CFAP206: variants seen among roughly 807,000 people sequenced by gnomAD.
CFAP206 encodes cilia- and flagella-associated protein 206.
A neutral mutation model predicts 65.4 loss-of-function variants in CFAP206; 53 were observed. The ratio of observed to expected loss-of-function variants is 0.81; its 90% CI spans 0.65 to 1.02. The LOEUF (loss-of-function observed/expected upper bound fraction) is 1.02, where lower values mean the gene tolerates loss of function less well. Ranked by LOEUF, CFAP206 falls within the 50% of genes least tolerant of loss-of-function variation. CFAP206 has a pLI of 0.00. For synonymous variants in CFAP206, 250 were observed against 254.4 expected (o/e 0.98, Z 0.17); for missense variants, 663 against 753.2 (o/e 0.88, Z 1.40).
intron 11 of CFAP206, among the ~76,000 whole-genome samples, chr6:87,436,424 G>T (rs183721251): frequency 2.0e-5 from 3 of 152,166 alleles, no homozygotes; most frequent in Non-Finnish European, 2.9e-5. Context: ...CTCTAAAGCA[G>T]GTGGGCTTTG....
chr6:87,441,839 C>A, intron 11 of CFAP206: 1 of 275,610 alleles, frequency 3.6e-6, no homozygotes, highest in South Asian at 4.4e-5. Context: ...TTTCATTGAG[C>A]CAAATCCGAT....
At chr6:87,440,513 G>T (rs1318410799) in intron 11 of CFAP206, among the ~76,000 whole-genome samples, 1 of 151,928 alleles carries the variant, frequency 6.6e-6, no homozygotes, top group Non-Finnish European at 1.5e-5. Flanking sequence ...GGGGAGCGAG[G>T]GCATCATGGT....
chr6:87,437,159 G>A lies in CFAP206; in HGVS notation c.1494+2106G>A, dbSNP rs548606934. On this transcript the variant is annotated intron_variant, in intron 11 of 12. Coordinates refer to ENST00000369562, the MANE Select transcript of CFAP206 (RefSeq NM_001031743.3). ...TAATTTTTGTATTTTTAGTAGAGAC[G>A]GGGTTTCACCATCTTGGTCCAGCTG... is the stretch of plus-strand genomic sequence containing the variant. Among the ~76,000 whole-genome samples the A allele has an allele frequency of 1.6e-4, 24 of 152,078 alleles. 2 individuals are homozygous for A. The South Asian group carries it at 3.7e-3, about 24-fold the overall frequency.
intron 11 of CFAP206, among the ~76,000 whole-genome samples, chr6:87,457,651 T>C (rs1284645337): frequency 6.6e-6 from 1 of 152,222 alleles, no homozygotes; most frequent in Non-Finnish European, 1.5e-5. Flanking sequence ...TCTCTCGCCA[T>C]ATACAAGAAT....
chr6:87,439,504 G>T lies in CFAP206; in HGVS notation c.1494+4451G>T, dbSNP rs551107873. Among the ~76,000 whole-genome samples, 3 of 152,058 alleles carry T rather than the reference G, an allele frequency of 2.0e-5. No individual in the cohort carries two copies. In the East Asian group the frequency reaches 5.8e-4, roughly 29 times the overall value. On this transcript the variant is annotated intron_variant, in intron 11 of 12. Coordinates refer to ENST00000369562, the MANE Select transcript of CFAP206 (RefSeq NM_001031743.3). ...TATGTTTTGAAGATATGTTTTCTTA[G>T]TTTGTAGCTTATGTTTTCATTCTTT...
chr6:87,447,337 C>T (rs927626874), intron 11 of CFAP206, among the ~76,000 whole-genome samples: 1 of 151,970 alleles, frequency 6.6e-6, no homozygotes, highest in Non-Finnish European at 1.5e-5. Flanking sequence ...ATAAATGGCT[C>T]TTATTATTTT....
At position 87,413,817 on chromosome 6, in the gene CFAP206, T is replaced by G; in HGVS notation, c.200T>G (p.Met67Arg). The change falls in exon 4 of 13, where the codon ATG becomes AGG. Residue 67 changes from methionine (M) to arginine (R), a missense_variant. Coordinates refer to ENST00000369562, the MANE Select transcript of CFAP206 (RefSeq NM_001031743.3). ...SDVQNLVKLC[M>R]TRLLDTKNPS... ...TGGGACATTCTTTTCTAGCTTTGTA[T>G]GACTCGGCTATTGGATACTAAAAAT... 6.4e-7 allele frequency: 1 copy of G among 1,560,160 alleles called. No homozygotes were observed. The highest frequency in any genetic ancestry group is 1.4e-5 in the African/African-American group (1 of 72,118).
chr6:87,458,587 C>T (rs1265099983), intron 11 of CFAP206, among the ~76,000 whole-genome samples: 6 of 152,082 alleles, frequency 3.9e-5, no homozygotes, highest in Non-Finnish European at 8.8e-5. Flanking sequence ...CATATGTCCT[C>T]GCTCCTTTGT....
intron 7 of CFAP206, among the ~76,000 whole-genome samples, chr6:87,420,920 T>G (rs1767930411): frequency 6.6e-6 from 1 of 152,218 alleles, no homozygotes; most frequent in South Asian, 2.1e-4. Context: ...TTTTTTGTTT[T>G]GTTTTGTTTT....
At chr6:87,445,044 A>C in intron 11 of CFAP206, 3 of 517,030 alleles carry the variant, frequency 5.8e-6, no homozygotes, top group South Asian at 4.2e-5. Context: ...GAGAGGATTC[A>C]GCTTGAAGGC....
chr6:87,409,010 T>C (rs2127946203), intron 1 of CFAP206, among the ~76,000 whole-genome samples: 1 of 140,698 alleles, frequency 7.1e-6, no homozygotes, highest in East Asian at 2.0e-4. Flanking sequence ...ACTTTTTCCT[T>C]ATAGTAAATG....
At chr6:87,416,849 T>A (rs1185501859) in intron 6 of CFAP206, 22 bp downstream of exon 6, 1 of 1,600,096 alleles carries the variant, frequency 6.2e-7, no homozygotes, top group Admixed American at 1.7e-5. Flanking sequence ...ATTAGATTAA[T>A]TCTAAAGGTT....
intron 6 of CFAP206, 150 bp downstream of exon 6, chr6:87,416,977 A>G (rs962302809): frequency 1.4e-5 from 10 of 695,582 alleles, no homozygotes; most frequent in African/African-American, 3.6e-5. Context: ...TACTGTTTAT[A>G]ATGTGTAGTG....
chr6:87,438,123 C>T (rs1768304530), intron 11 of CFAP206, among the ~76,000 whole-genome samples: 1 of 152,016 alleles, frequency 6.6e-6, no homozygotes. Flanking sequence ...TAAAGAAAGA[C>T]AAAGTCTGTT....
In CFAP206 at chr6:87,418,511, A is replaced by C. The variant is rs568392616; in HGVS notation, c.840+95A>C. 7.1e-5 allele frequency: 71 copies of C among 997,016 alleles called. 1 individual carries two copies. The African/African-American group carries it at 8.5e-4, about 12-fold the overall frequency. 61.8% of individuals were successfully genotyped at this position (997,016 alleles called of 1,614,324 possible). ...AGAACCAGGTCACTAATTAAGGAGA[A>C]AACCTCAGTAACTGCTCGGTTTATA... On this transcript the variant is annotated intron_variant, in intron 7 of 12. Coordinates refer to ENST00000369562, the MANE Select transcript of CFAP206 (RefSeq NM_001031743.3).
chr6:87,464,247 C>A lies in CFAP206; in HGVS notation c.1866C>A (p.Thr622=). The change falls in exon 13 of 13, where the codon ACC becomes ACA. Residue 622 remains threonine (T), a synonymous_variant. Transcript: ENST00000369562. ...KVNLTRDVDE[T] ...ACTTAACTAGAGATGTGGATGAAAC[C>A]TAATTACAGACAACGTTTTAAAATA... 1 of 1,610,398 alleles carries A rather than the reference C, an allele frequency of 6.2e-7. No homozygotes were observed. Among genetic ancestry groups the A allele is most frequent in the South Asian group, 1.1e-5 (1 of 90,782 alleles).
rs16879359 is a variant in CFAP206, at chr6:87,444,455, T to G, written c.1494+9402T>G. ...TAATGAGATTTGTAACCTTTCCATT[T>G]TACTGGTATTTTGACATACTTGCTG... On this transcript the variant is annotated intron_variant, in intron 11 of 12. Transcript: ENST00000369562. The G allele has an allele frequency of 7.9e-3, 1,761 of 223,946 alleles. 38 individuals carry two copies. The highest frequency in any genetic ancestry group is 0.038 in the African/African-American group (1,670 of 43,502). 13.9% of individuals were successfully genotyped at this position (223,946 alleles called of 1,614,324 possible).
intron 11 of CFAP206, among the ~76,000 whole-genome samples, chr6:87,456,552 C>T (rs1456378178): frequency 1.3e-5 from 2 of 152,102 alleles, no homozygotes; most frequent in Non-Finnish European, 2.9e-5. Flanking sequence ...AAGGCATCCA[C>T]CTCGGAAAGG....
chr6:87,422,487 C>T (rs1385915407), intron 7 of CFAP206, among the ~76,000 whole-genome samples: 3 of 145,062 alleles, frequency 2.1e-5, no homozygotes, highest in Admixed American at 2.0e-4. Context: ...TGCGGTGGCT[C>T]ACGCCTGTAA....
Sources: allele counts gnomAD v4.1 joint callset (sites outside exome capture counted in the v4.1 genomes callset), GRCh38; gene constraint gnomAD v4.1.1; transcripts MANE v1.5; gene names NCBI Gene and HGNC (gene_info 2026-07-23, HGNC 2026-07-21).